The following MYH15 variants were observed in gnomAD, a reference collection of about 807,000 sequenced individuals.
The protein encoded by MYH15 is myosin heavy chain 15.
Under a neutral mutation model 240.5 loss-of-function variants are expected in MYH15, and 227 were observed. That is an observed-to-expected ratio of 0.94 (90% CI 0.85 to 1.05). The LOEUF (loss-of-function observed/expected upper bound fraction) is 1.05, where lower values mean the gene tolerates loss of function less well. Among genes scored for constraint, MYH15 ranks in the 50% least tolerant of loss-of-function variants. The pLI is 0.00. For synonymous variants in MYH15, 785 were observed against 796.7 expected, an observed-to-expected ratio of 0.99 and a Z score of 0.25; for missense variants, 2,217 against 2,247.5, an observed-to-expected ratio of 0.99 and a Z score of 0.27.
chr3:108,463,757 T>C (rs1034333864), intron 15 of MYH15, among the ~76,000 whole-genome samples: 3 of 151,990 alleles, frequency 2.0e-5, no homozygotes, highest in Non-Finnish European at 4.4e-5. Context: ...AAGATTCTTA[T>C]CATTAACATT....
At chr3:108,510,621 A>G (rs2083515251), upstream of MYH15, 2 of 1,588,086 alleles carry the variant, frequency 1.3e-6, no homozygotes, top group Admixed American at 1.8e-5. Context: ...AGAAGAAAAA[A>G]GTGGAAATAA....
intron 1 of MYH15, among the ~76,000 whole-genome samples, chr3:108,518,983 T>C (rs2083596252): frequency 6.6e-6 from 1 of 152,170 alleles, no homozygotes; most frequent in Non-Finnish European, 1.5e-5. Flanking sequence ...GGGTAGAGCA[T>C]TAATAAACAC....
At chr3:108,519,302 AT>A (rs2083598824) in intron 1 of MYH15, among the ~76,000 whole-genome samples, 1 of 152,254 alleles carries the variant, frequency 6.6e-6, no homozygotes, top group Non-Finnish European at 1.5e-5. Context: ...GTAAGGAAAG[AT>A]TTAAATAAGT....
intron 31 of MYH15, among the ~76,000 whole-genome samples, chr3:108,409,560 A>G (rs955420443): frequency 3.3e-5 from 5 of 152,184 alleles, no homozygotes; most frequent in Admixed American, 6.5e-5. Flanking sequence ...TCACGTCTCC[A>G]TCTAGTGCCT....
rs746128852 is a variant in MYH15 at position 108,437,714 on chromosome 3, CAT to C, written c.3076-17_3076-16del. 6.2e-7 allele frequency: 1 copy of C among 1,604,422 alleles called. No individual in the cohort carries two copies. Among genetic ancestry groups the C allele is most frequent in the African/African-American group, 1.3e-5 (1 of 74,282 alleles). On this transcript the variant is annotated splice_polypyrimidine_tract_variant and intron_variant, in intron 24 of 40. Transcript: ENST00000693548. ...GCACCCTCAAGCTGACAAAAGGAAACATTATTTAGCTAAATAAATAGGTAGAG... is the reference window on the plus strand; with the variant it reads ...GCACCCTCAAGCTGACAAAAGGAAACTATTTAGCTAAATAAATAGGTAGAG...
chr3:108,459,235 T>C (rs2083050613), intron 18 of MYH15, 127 bp downstream of exon 18: 2 of 618,042 alleles, frequency 3.2e-6, no homozygotes, highest in Non-Finnish European at 5.3e-6. Context: ...TAACATATTT[T>C]CATTTTTCTA....
At chr3:108,550,212 T>A in the MYH15 span, 2 of 151,622 alleles carry the variant, frequency 1.3e-5, no homozygotes, top group African/African-American at 4.8e-5. Context: ...AGGACCCTTG[T>A]ATTTTAAAAA....
At chr3:108,460,643 A>C (rs1458877949) in intron 16 of MYH15, among the ~76,000 whole-genome samples, 1 of 152,200 alleles carries the variant, frequency 6.6e-6, no homozygotes, top group Non-Finnish European at 1.5e-5. Context: ...TTCATCAACA[A>C]ATGCACATCA....
intron 11 of MYH15, among the ~76,000 whole-genome samples, chr3:108,483,436 A>C (rs997209298): frequency 7.9e-5 from 12 of 152,096 alleles, no homozygotes; most frequent in Admixed American, 4.6e-4. Context: ...AAACCAAAAA[A>C]CAGAAAACAA....
At chr3:108,468,576 TA>T (rs1397654840) in intron 14 of MYH15, among the ~76,000 whole-genome samples, 1 of 152,258 alleles carries the variant, frequency 6.6e-6, no homozygotes, top group African/African-American at 2.4e-5. Context: ...AAATTGTTTG[TA>T]GAAAACCAAA....
intron 30 of MYH15, 46 bp from the exon 31 acceptor site, chr3:108,410,978 A>G: frequency 1.4e-6 from 2 of 1,466,268 alleles, no homozygotes; most frequent in Non-Finnish European, 1.9e-6. Context: ...AATAACTCTC[A>G]GAGAGCTCAT....
At chr3:108,507,056 A>G (rs2083482607) in intron 1 of MYH15, among the ~76,000 whole-genome samples, 1 of 151,710 alleles carries the variant, frequency 6.6e-6, no homozygotes, top group Admixed American at 6.6e-5. Flanking sequence ...AGAAATAAAA[A>G]TTAACCAGGT....
intron 9 of MYH15, among the ~76,000 whole-genome samples, chr3:108,490,902 T>C (rs1560423193): frequency 6.6e-6 from 1 of 152,092 alleles, no homozygotes; most frequent in Non-Finnish European, 1.5e-5. Context: ...TTTTTTTCTT[T>C]TTTGAGACAG....
At chr3:108,469,902 A>T in intron 14 of MYH15, 140 bp downstream of exon 14, 1 of 748,622 alleles carries the variant, frequency 1.3e-6, no homozygotes, top group Non-Finnish European at 2.1e-6. Flanking sequence ...GCACACAAAC[A>T]CCATTAAGAT....
At position 108,387,428 on chromosome 3, in the gene MYH15, G is replaced by A. The variant is rs1207653276; in HGVS notation, c.5535+1542C>T. 2.6e-5 allele frequency among the ~76,000 whole-genome samples: 4 copies of A among 152,172 alleles called. No individual in the cohort carries two copies. In the East Asian group the frequency reaches 7.7e-4, roughly 29 times the overall value. On this transcript the variant is annotated intron_variant, in intron 38 of 40. Coordinates refer to ENST00000693548, the MANE Select transcript of MYH15 (RefSeq NM_014981.3). Reference sequence around the variant, plus strand: ...AGACACTTGGAAGAAATTAATAAATGTACCTCATTCTAGTACATGAGAAAC... The same window carrying A: ...AGACACTTGGAAGAAATTAATAAATATACCTCATTCTAGTACATGAGAAAC...
At chr3:108,395,620 G>GT (rs1365045087) in intron 35 of MYH15, among the ~76,000 whole-genome samples, 110 of 133,724 alleles carry the variant, frequency 8.2e-4, no homozygotes, top group South Asian at 9.6e-4. Flanking sequence ...TCTCTAATTT[G>GT]TTTTTTTTTT....
intron 36 of MYH15, among the ~76,000 whole-genome samples, chr3:108,392,170 T>C (rs1224336835): frequency 6.6e-6 from 1 of 152,158 alleles, no homozygotes; most frequent in Non-Finnish European, 1.5e-5. Context: ...AGACTAAAGA[T>C]GAAGAAACAT....
intron 27 of MYH15, among the ~76,000 whole-genome samples, chr3:108,426,213 A>AC (rs960076809): frequency 6.6e-6 from 1 of 151,830 alleles, no homozygotes; most frequent in African/African-American, 2.4e-5. Flanking sequence ...CAGAAAAAAA[A>AC]AAAAAACCCT....
At chr3:108,435,487 T>G (rs537920427) in intron 25 of MYH15, among the ~76,000 whole-genome samples, 2 of 152,202 alleles carry the variant, frequency 1.3e-5, no homozygotes, top group African/African-American at 4.8e-5. Flanking sequence ...TCCCAGCCCT[T>G]GGCAACCACT....
Sources: gnomAD v4.1 joint callset for allele counts (sites outside exome capture counted in the v4.1 genomes callset) on GRCh38, gnomAD v4.1.1 for gene constraint, MANE v1.5 for transcripts, NCBI Gene and HGNC (gene_info 2026-07-23, HGNC 2026-07-21) for gene names.